Variants in CRACD observed in about 807,000 individuals in gnomAD.
CRACD encodes capping protein-inhibiting regulator of actin dynamics.
A neutral mutation model predicts 106.8 loss-of-function variants in CRACD; 56 were observed. The observed-to-expected ratio is 0.52, with a 90% CI of 0.42 to 0.66. CRACD has a LOEUF of 0.66. CRACD is among the 30% of genes least tolerant of loss of function. CRACD has a pLI of 0.00. For missense variants in CRACD, 1,730 were observed against 1,623.2 expected (o/e 1.07, Z -1.13); for synonymous variants, 754 against 670.8 (o/e 1.12, Z -1.92).
At position 56,307,681 on chromosome 4, in the gene CRACD, C is replaced by T; in HGVS notation, c.267C>T (p.Leu89=). 1 of 1,614,138 alleles carries T rather than the reference C, an allele frequency of 6.2e-7. No individual in the cohort carries two copies. Among genetic ancestry groups the T allele is most frequent in the Non-Finnish European group, 8.5e-7 (1 of 1,180,034 alleles). The stretch of plus-strand genomic sequence containing the variant: ...TTGTGACTCAGCAGGACATCGTCCT[C>T]TCAGACGCAGAGAACAAGGTAAGTC... The part of the protein sequence containing the change: ...MEIVTQQDIV[L]SDAENKSSDT... Residue 89 remains leucine (L), a synonymous_variant, in exon 5 of 11, where the codon CTC becomes CTT. Transcript: ENST00000682029.
Position 56,314,265 on chromosome 4 carries a change from G to T in CRACD, c.763G>T (p.Ala255Ser). Residue 255 changes from alanine (A) to serine (S), a missense_variant, in exon 8 of 11, where the codon GCG becomes TCG. Transcript: ENST00000682029. This position sits in a 1 kb window ranked among gnomAD's most constrained non-coding sequence, Gnocchi z 4.4. ...ACGCCTAGAGGAGCAGAGGCTGCAG[G>T]CGCTGGAGAGGAGGCTTTGGGAAGA... Reference protein sequence around the residue: ...KRRLEEQRLQALERRLWEENR... With the variant: ...KRRLEEQRLQSLERRLWEENR... 1 of 1,566,604 alleles carries T rather than the reference G, an allele frequency of 6.4e-7. No individual in the cohort carries two copies. The highest frequency in any genetic ancestry group is 8.7e-7 in the Non-Finnish European group (1 of 1,154,922).
At chr4:56,302,925 T>C (rs1207509277) in intron 4 of CRACD, among the ~76,000 whole-genome samples, 1 of 152,196 alleles carries the variant, frequency 6.6e-6, no homozygotes. Flanking sequence ...GAATAAAATA[T>C]AGTTCCTTGT....
At chr4:56,312,759 A>G (rs1745241271) in intron 6 of CRACD, among the ~76,000 whole-genome samples, 1 of 152,176 alleles carries the variant, frequency 6.6e-6, no homozygotes, top group South Asian at 2.1e-4. Context: ...GCTTTGTGAC[A>G]TGAAGCTACA....
At chr4:56,178,281 G>T in intron 1 of CRACD, among the ~76,000 whole-genome samples, 1 of 152,140 alleles carries the variant, frequency 6.6e-6, no homozygotes, top group East Asian at 1.9e-4. Flanking sequence ...TGGACAAAAG[G>T]TCCGTTCACT....
intron 2 of CRACD, among the ~76,000 whole-genome samples, chr4:56,230,440 G>C (rs2109533325): frequency 6.6e-6 from 1 of 152,252 alleles, no homozygotes; most frequent in East Asian, 1.9e-4. Context: ...TGGCCCCGGT[G>C]GAGGACACAA....
chr4:56,141,411 A>G (rs1376174522), intron 1 of CRACD, among the ~76,000 whole-genome samples: 1 of 152,130 alleles, frequency 6.6e-6, no homozygotes, highest in Non-Finnish European at 1.5e-5. Flanking sequence ...GATATACTCC[A>G]GAACTTGAAA....
chr4:56,310,582 C>T, intron 5 of CRACD, 84 bp from the exon 6 acceptor site: 2 of 989,280 alleles, frequency 2.0e-6, no homozygotes, highest in Admixed American at 1.7e-5. Flanking sequence ...GGGGGTGACC[C>T]TACCCAGGCA....
rs778158639 is a variant in CRACD at position 56,314,387 on chromosome 4, G to A, written c.885G>A (p.Leu295=). Residue 295 remains leucine (L), a synonymous_variant, in exon 8 of 11, where the codon CTG becomes CTA. Transcript: ENST00000682029. This position sits in a 1 kb window ranked among gnomAD's most constrained non-coding sequence, Gnocchi z 4.4. ...CGCGGGAAGAGCAGCAGCGGAGCCT[G>A]GAAGCGCCAGGTTGGGAGGACGCGG... ...RAPREEQQRS[L]EAPGWEDAER... 6.5e-7 allele frequency: 1 copy of A among 1,547,352 alleles called. No individual in the cohort carries two copies. Among genetic ancestry groups the A allele is most frequent in the South Asian group, 1.2e-5 (1 of 83,928 alleles).
At chr4:56,089,935 G>A (rs1456183071) in intron 1 of CRACD, among the ~76,000 whole-genome samples, 1 of 152,012 alleles carries the variant, frequency 6.6e-6, no homozygotes, top group African/African-American at 2.4e-5. Context: ...TGTATAAAAA[G>A]TTCTTAATGA....
chr4:56,230,373 G>T (rs533527497), intron 2 of CRACD, among the ~76,000 whole-genome samples: 3 of 152,094 alleles, frequency 2.0e-5, no homozygotes, highest in South Asian at 4.1e-4. Context: ...TGAAAAGCAG[G>T]TATACATCAA....
At chr4:56,206,164 G>A (rs1338794512) in intron 2 of CRACD, among the ~76,000 whole-genome samples, 2 of 152,346 alleles carry the variant, frequency 1.3e-5, no homozygotes, top group African/African-American at 4.8e-5. Flanking sequence ...CGTTTTCCCT[G>A]TTAGGCTGTA....
At chr4:56,065,645 T>C (rs1029874744) in intron 1 of CRACD, among the ~76,000 whole-genome samples, 1 of 152,192 alleles carries the variant, frequency 6.6e-6, no homozygotes, top group South Asian at 2.1e-4. Flanking sequence ...GGTTTTTTTG[T>C]TGTTGTTGTT....
intron 2 of CRACD, among the ~76,000 whole-genome samples, chr4:56,262,092 T>C (rs1002545769): frequency 2.0e-5 from 3 of 152,172 alleles, no homozygotes; most frequent in Admixed American, 6.5e-5. Flanking sequence ...CGTCAGATGG[T>C]TAAGAAATAC....
rs35574683 is a variant in CRACD, at chr4:56,172,020, C to CTT, written c.-335-7250_-335-7249dup. On this transcript the variant is annotated intron_variant, in intron 1 of 10. Coordinates refer to ENST00000682029, the MANE Select transcript of CRACD (RefSeq NM_001393381.1). ...GTGGAGGTATCTTTTGAGGGTTTCT[C>CTT]TTTTTTTTTTTTTTTCAACTTTACA... is the stretch of plus-strand genomic sequence containing the variant. Among the ~76,000 whole-genome samples the CTT allele has an allele frequency of 4.9e-3, 520 of 106,390 alleles. 24 individuals carry two copies. The highest frequency in any genetic ancestry group is 5.1e-3 in the African/African-American group (145 of 28,378). 69.8% of individuals were successfully genotyped at this position (106,390 alleles called of 152,430 possible).
At position 56,097,354 on chromosome 4, in the gene CRACD, G is replaced by C. The variant is rs990975958; in HGVS notation, c.-336+48055G>C. 2.0e-5 allele frequency: 3 copies of C among 152,662 alleles called. No homozygotes were observed. In the Admixed American group the frequency reaches 2.0e-4, roughly 10 times the overall value. The allele number at this position is 152,662 out of a possible 1,614,324, so 9.5% of individuals were successfully genotyped here. A position where few individuals can be genotyped will look rare whatever the true frequency, so the allele number is the denominator to read the frequency against. ...AACTGCAGTAAGGGCTCTGCTGCTT[G>C]AAGTTAGTGACTGTGAGTTGAGAAT... On this transcript the variant is annotated intron_variant, in intron 1 of 10. Transcript: ENST00000682029.
At chr4:56,191,744 C>T (rs563032775) in intron 2 of CRACD, among the ~76,000 whole-genome samples, 24 of 152,288 alleles carry the variant, frequency 1.6e-4, no homozygotes, top group Non-Finnish European at 2.6e-4. Context: ...CCATGTACGA[C>T]GTTATTTCTA....
chr4:56,174,321 C>G lies in CRACD; in HGVS notation c.-335-4963C>G, dbSNP rs183399290. Among the ~76,000 whole-genome samples, 285 of 152,278 alleles carry G rather than the reference C, an allele frequency of 1.9e-3. 3 individuals carry two copies. Among genetic ancestry groups the G allele is most frequent in the African/African-American group, 6.4e-3 (267 of 41,560 alleles). On this transcript the variant is annotated intron_variant, in intron 1 of 10. Transcript: ENST00000682029. ...TTGGGAGCATTTCAAATCCTGTCCT[C>G]CAGCTATTTTGATATATACAATAAA...
intron 3 of CRACD, among the ~76,000 whole-genome samples, chr4:56,284,375 G>A (rs1743212583): frequency 6.8e-6 from 1 of 147,262 alleles, no homozygotes; most frequent in African/African-American, 2.5e-5. Context: ...TAATAGATGT[G>A]ATCCCTGACC....
chr4:56,192,905 G>A (rs576118180), intron 2 of CRACD, among the ~76,000 whole-genome samples: 9 of 152,132 alleles, frequency 5.9e-5, no homozygotes, highest in Non-Finnish European at 1.0e-4. Context: ...CTCTTCACCC[G>A]AAACAGACAA....
Sources: allele counts gnomAD v4.1 joint callset (sites outside exome capture counted in the v4.1 genomes callset), GRCh38; gene constraint gnomAD v4.1.1; non-coding constraint Gnocchi (gnomAD v3.1); transcripts MANE v1.5; gene names NCBI Gene and HGNC (gene_info 2026-07-23, HGNC 2026-07-21).